Variants in SYNE2 observed in about 807,000 individuals in gnomAD.
The protein encoded by SYNE2 is spectrin repeat containing nuclear envelope protein 2, also known as nesprin-2.
A neutral mutation model predicts 856.3 loss-of-function variants in SYNE2; 431 were observed. The ratio of observed to expected loss-of-function variants is 0.50; its 90% confidence interval spans 0.47 to 0.55. The LOEUF (loss-of-function observed/expected upper bound fraction) is 0.55, where lower values mean the gene tolerates loss of function less well. Ranked by LOEUF, SYNE2 falls within the 20% of genes least tolerant of loss-of-function variation. The probability of loss-of-function intolerance (pLI) is 0.00; values close to 1 mark genes in which losing one functional copy is unlikely to be tolerated. For synonymous variants in SYNE2, 2,923 were observed against 2,872.3 expected (o/e 1.02, Z -0.56); for missense variants, 8,129 against 8,023.2 (o/e 1.01, Z -0.50).
chr14:63,768,347 G>C (rs1333815761), intron 1 of SYNE2, among the ~76,000 whole-genome samples: 2 of 152,170 alleles, frequency 1.3e-5, no homozygotes, highest in Non-Finnish European at 2.9e-5. Context: ...ACGTCAGTTA[G>C]CTGAGATTAA....
chr14:64,102,488 C>T (rs1161284188), intron 64 of SYNE2, among the ~76,000 whole-genome samples: 1 of 149,762 alleles, frequency 6.7e-6, no homozygotes, highest in Non-Finnish European at 1.5e-5. Flanking sequence ...GGGAGGGAAC[C>T]TGCATGGGCT....
Position 64,202,187 on chromosome 14 carries a change from A to C in SYNE2, c.18039-614A>C, listed in dbSNP as rs574040452. On this transcript the variant is annotated intron_variant, in intron 99 of 115. Transcript: ENST00000555002. ...ATTTCCTTTGCCCCCTCCCTTTTAGACGGACAGAGATGCCCCATAATCTAC... is the reference window on the plus strand; with the variant it reads ...ATTTCCTTTGCCCCCTCCCTTTTAGCCGGACAGAGATGCCCCATAATCTAC... 1.1e-5 allele frequency: 8 copies of C among 702,272 alleles called. No homozygotes were observed. The East Asian group carries it at 1.9e-4, about 16-fold the overall frequency. 43.5% of individuals were successfully genotyped at this position (702,272 alleles called of 1,614,324 possible).
intron 64 of SYNE2, among the ~76,000 whole-genome samples, chr14:64,105,802 G>A (rs1296342622): frequency 2.6e-5 from 4 of 151,716 alleles, no homozygotes; most frequent in Non-Finnish European, 4.4e-5. Context: ...TCTCATGCCT[G>A]TAATCCTAGC....
At chr14:63,819,959 A>G (rs1595143434) in intron 1 of SYNE2, among the ~76,000 whole-genome samples, 1 of 152,330 alleles carries the variant, frequency 6.6e-6, no homozygotes, top group East Asian at 1.9e-4. Context: ...CTGGTAAAAG[A>G]TTTGCAAGAC....
chr14:64,182,661 T>C (rs983499142), intron 96 of SYNE2, among the ~76,000 whole-genome samples: 4 of 152,170 alleles, frequency 2.6e-5, no homozygotes, highest in African/African-American at 7.2e-5. Flanking sequence ...ATCCATTTAA[T>C]CCTGAGTGGA....
intron 74 of SYNE2, 21 bp downstream of exon 74, chr14:64,128,574 C>G: frequency 6.9e-7 from 1 of 1,453,724 alleles, no homozygotes; most frequent in African/African-American, 1.4e-5. Context: ...CAAAATAATT[C>G]AGACTGACTT....
intron 2 of SYNE2, among the ~76,000 whole-genome samples, chr14:63,927,162 T>A (rs2095678945): frequency 1.3e-5 from 2 of 152,178 alleles, no homozygotes; most frequent in Admixed American, 6.5e-5. Flanking sequence ...CATCTAACAA[T>A]CGAGTAATTC....
rs1025869141 is a variant in SYNE2 at position 64,056,675 on chromosome 14, T to C, written c.10067+409T>C. Among the ~76,000 whole-genome samples the C allele has an allele frequency of 7.7e-4, 11 of 14,364 alleles. No individual in the cohort carries two copies. The Non-Finnish European group carries it at 7.9e-3, about 10-fold the overall frequency. 9.4% of individuals were successfully genotyped at this position (14,364 alleles called of 152,430 possible). A position where few individuals can be genotyped will look rare whatever the true frequency, so the allele number is the denominator to read the frequency against. On this transcript the variant is annotated intron_variant, in intron 49 of 115. Transcript: ENST00000555002. ...CCATTTTCCTGACTTTTGTTGTACT[T>C]TTTTTTTTTTTTGAGACAAAGTTTC...
intron 1 of SYNE2, chr14:63,873,854 A>G (rs1436192912): frequency 6.6e-6 from 1 of 152,206 alleles, no homozygotes; most frequent in Non-Finnish European, 1.5e-5. Flanking sequence ...TGTTGCTCAG[A>G]AGTTCCTTCC....
At chr14:64,024,542 G>T in intron 39 of SYNE2, 83 bp downstream of exon 39, 1 of 1,304,372 alleles carries the variant, frequency 7.7e-7, no homozygotes, top group Admixed American at 1.8e-5. Context: ...GAGAGCACTG[G>T]GATACGCAGT....
At chr14:64,003,415 A>G (rs1239945726) in intron 30 of SYNE2, 85 bp downstream of exon 30, 10 of 1,539,578 alleles carry the variant, frequency 6.5e-6, no homozygotes, top group African/African-American at 5.5e-5. Flanking sequence ...AATTCTTCCT[A>G]TGTCTTTCTG....
At chr14:64,216,864 A>G (rs2098668878) in intron 108 of SYNE2, among the ~76,000 whole-genome samples, 1 of 152,190 alleles carries the variant, frequency 6.6e-6, no homozygotes, top group Non-Finnish European at 1.5e-5. Flanking sequence ...AGCTGCGATT[A>G]CAGGTGTGCA....
rs200623970 is a variant in SYNE2, at chr14:64,224,362, CAAAAA to C, written c.20383-96_20383-92del. The stretch of plus-strand genomic sequence containing the variant: ...TGAGACTGTCTAAAACAAAACAAAA[CAAAAA>C]AAGATTGATTTAAGGTAGGGGAGGG... On this transcript the variant is annotated intron_variant, in intron 113 of 115. Transcript: ENST00000555002. 8 of 1,191,094 alleles carry C rather than the reference CAAAAA, an allele frequency of 6.7e-6. 1 individual carries two copies. Among genetic ancestry groups the C allele is most frequent in the Non-Finnish European group, 1.0e-5 (8 of 797,760 alleles). The allele number at this position is 1,191,094 out of a possible 1,614,324, so 73.8% of individuals were successfully genotyped here.
chr14:64,218,518 G>A lies in SYNE2; in HGVS notation c.19657+6G>A, dbSNP rs202159156. On this transcript the variant is annotated splice_donor_region_variant and intron_variant, in intron 109 of 115. Coordinates refer to ENST00000555002, the MANE Select transcript of SYNE2 (RefSeq NM_182914.3). ...TATCACAGAGCAGCAGTCAGGTACT[G>A]CCTGTAACTGGCAGTCGTCCAGAGA... is the stretch of plus-strand genomic sequence containing the variant. 66 of 1,613,184 alleles carry A rather than the reference G, an allele frequency of 4.1e-5. No homozygotes were observed. The highest frequency in any genetic ancestry group is 1.3e-4 in the South Asian group (12 of 90,998).
rs528002229 is a variant in SYNE2 at position 64,219,104 on chromosome 14, GTTTT to G, written c.19658-87_19658-84del. On this transcript the variant is annotated intron_variant, in intron 109 of 115. Coordinates refer to ENST00000555002, the MANE Select transcript of SYNE2 (RefSeq NM_182914.3). ...CAGGGGAATCCCCTACAGTTTTTTT[GTTTT>G]TTTTTTTTTTTTTTTTAACCACCCT... is the stretch of plus-strand genomic sequence containing the variant. The G allele has an allele frequency of 3.4e-3, 1,384 of 406,196 alleles. 1 individual carries two copies. Among genetic ancestry groups the G allele is most frequent in the Non-Finnish European group, 4.0e-3 (1,008 of 251,402 alleles). 25.2% of individuals were successfully genotyped at this position (406,196 alleles called of 1,614,324 possible). A position where few individuals can be genotyped will look rare whatever the true frequency, so the allele number is the denominator to read the frequency against.
At chr14:64,159,588 C>G (rs760776816) in intron 87 of SYNE2, 146 bp downstream of exon 87, 47 of 934,952 alleles carry the variant, frequency 5.0e-5, no homozygotes, top group Non-Finnish European at 6.5e-5. Context: ...TTTGATGAAT[C>G]TAGTCTATGT....
Position 64,022,001 on chromosome 14 carries a change from C to G in SYNE2, c.5497C>G (p.Gln1833Glu), listed in dbSNP as rs767422439. Residue 1833 changes from glutamine to glutamate, a missense_variant, in exon 37 of 116, where the codon CAA (glutamine) becomes GAA (glutamate). Physicochemically the swap from Gln to Glu is conservative, Grantham distance 29. Transcript: ENST00000555002. ...ATTTAATACCAAAAAAAGTGTTTTG[C>G]AAGATCACTTTTCTAAGTTATTGAA... is the stretch of plus-strand genomic sequence containing the variant. ...DLFNTKKSVL[Q>E]DHFSKLLNDQ... 6.2e-7 allele frequency: 1 copy of G among 1,613,620 alleles called. No homozygotes were observed. Among genetic ancestry groups the G allele is most frequent in the Admixed American group, 1.7e-5 (1 of 60,006 alleles).
At position 64,022,875 on chromosome 14, in the gene SYNE2, A is replaced by G. The variant is rs150233714; in HGVS notation, c.5637+12A>G. ...TACAAAAACTTTCTGTAAGAGATAT[A>G]TGTGTATTTTTAATAAAAATTTTCA... On this transcript the variant is annotated intron_variant, in intron 38 of 115. Transcript: ENST00000555002. 2.0e-4 allele frequency: 286 copies of G among 1,407,694 alleles called. 1 individual carries two copies. The highest frequency in any genetic ancestry group is 1.9e-3 in the African/African-American group (130 of 69,976). The allele number at this position is 1,407,694 out of a possible 1,614,324, so 87.2% of individuals were successfully genotyped here. A position where few individuals can be genotyped will look rare whatever the true frequency, so the allele number is the denominator to read the frequency against.
intron 65 of SYNE2, among the ~76,000 whole-genome samples, chr14:64,109,809 G>T (rs867767864): frequency 1.3e-5 from 2 of 152,122 alleles, no homozygotes; most frequent in African/African-American, 4.8e-5. Flanking sequence ...AAGGAAAGTG[G>T]GGACTTTGCA....
Sources: allele counts gnomAD v4.1 joint callset (sites outside exome capture counted in the v4.1 genomes callset), GRCh38; gene constraint gnomAD v4.1.1; transcripts MANE v1.5; gene names NCBI Gene and HGNC (gene_info 2026-07-23, HGNC 2026-07-21).